The following NRDE2 variants were observed in gnomAD, a reference collection of about 807,000 sequenced individuals.
The protein encoded by NRDE2 is NRDE-2, necessary for RNA interference, domain containing, also known as nuclear exosome regulator NRDE2.
Under a neutral mutation model 124.2 loss-of-function variants are expected in NRDE2, and 76 were observed. The ratio of observed to expected loss-of-function variants is 0.61; its 90% confidence interval spans 0.51 to 0.74. The LOEUF (loss-of-function observed/expected upper bound fraction) is 0.74. NRDE2 is among the 30% of genes least tolerant of loss of function. NRDE2 has a pLI of 0.00. For synonymous variants in NRDE2, 489 were observed against 528.1 expected (o/e 0.93, Z 1.01); for missense variants, 1,314 against 1,417.3 (o/e 0.93, Z 1.17).
In NRDE2 at chr14:90,318,502, G is replaced by C. The variant is rs375856711; in HGVS notation, c.65-389C>G. Among the ~76,000 whole-genome samples the C allele has an allele frequency of 8.5e-5, 13 of 152,260 alleles. No homozygotes were observed. The East Asian group carries it at 2.5e-3, about 29-fold the overall frequency. The stretch of plus-strand genomic sequence containing the variant: ...AATTTGATTCAGACAATTCCTAAAA[G>C]TTAAAAGATCAAATCGGCTGGGTAT... On this transcript the variant is annotated intron_variant, in intron 1 of 13. Transcript: ENST00000354366.
intron 1 of NRDE2, among the ~76,000 whole-genome samples, chr14:90,326,282 CAGG>C (rs1385198438): frequency 6.6e-6 from 1 of 151,830 alleles, no homozygotes; most frequent in Non-Finnish European, 1.5e-5. Context: ...ATCATGAGGT[CAGG>C]AGATCGAGAC....
In NRDE2 at chr14:90,269,308, T is replaced by G. The variant is rs557006468; in HGVS notation, c.*9028A>C. On this transcript the variant is annotated 3_prime_UTR_variant, in exon 14 of 14. Transcript: ENST00000354366. ...GTTGAAACAGGAATGTTTGTTAAGGTGTTTTGTCACAATGAGGTCTTTGCT... is the reference window on the plus strand; with the variant it reads ...GTTGAAACAGGAATGTTTGTTAAGGGGTTTTGTCACAATGAGGTCTTTGCT... 11 of 1,132,052 alleles carry G rather than the reference T, an allele frequency of 9.7e-6. No individual in the cohort carries two copies. Among genetic ancestry groups the G allele is most frequent in the Non-Finnish European group, 1.4e-5 (11 of 800,270 alleles). The allele number at this position is 1,132,052 out of a possible 1,614,324, so 70.1% of individuals were successfully genotyped here. A position where few individuals can be genotyped will look rare whatever the true frequency, so the allele number is the denominator to read the frequency against.
Position 90,272,524 on chromosome 14 carries a change from A to T in NRDE2, c.*5812T>A, listed in dbSNP as rs1891696577. 1 of 660,212 alleles carries T rather than the reference A, an allele frequency of 1.5e-6. No individual in the cohort carries two copies. The highest frequency in any genetic ancestry group is 2.9e-5 in the East Asian group (1 of 35,050). The allele number at this position is 660,212 out of a possible 1,614,324, so 40.9% of individuals were successfully genotyped here. On this transcript the variant is annotated 3_prime_UTR_variant, in exon 14 of 14. Transcript: ENST00000354366. The surrounding 1 kb of genome is among the most constrained non-coding windows in gnomAD (Gnocchi z 4.5). ...TCCCACTGATTTTTATTAGCAAAAC[A>T]TCCTGTGTCTTTTGGAGTACGATGT...
intron 3 of NRDE2, among the ~76,000 whole-genome samples, chr14:90,314,523 C>A (rs752245731): frequency 2.6e-5 from 4 of 152,126 alleles, no homozygotes; most frequent in African/African-American, 7.2e-5. Flanking sequence ...TAAGCATAGG[C>A]TGAAATTAAC....
At chr14:90,295,417 T>A (rs1884109253) in intron 8 of NRDE2, among the ~76,000 whole-genome samples, 1 of 152,138 alleles carries the variant, frequency 6.6e-6, no homozygotes, top group African/African-American at 2.4e-5. Flanking sequence ...CTCTTCTGAG[T>A]TTCTCAAAGA....
chr14:90,268,203 TATC>T lies in NRDE2; in HGVS notation c.*10130_*10132del, dbSNP rs769043945. The T allele has an allele frequency of 1.3e-6, 2 of 1,543,446 alleles. No homozygotes were observed. Among genetic ancestry groups the T allele is most frequent in the Non-Finnish European group, 1.7e-6 (2 of 1,150,852 alleles). Reference sequence around the variant, plus strand: ...GCACTTAAGGTGTCTTTTTTTTTTTTATCTTTTTCATCCAAAATAGGTAAAACC... The same window carrying T: ...GCACTTAAGGTGTCTTTTTTTTTTTTTTTTTCATCCAAAATAGGTAAAACC... On this transcript the variant is annotated 3_prime_UTR_variant, in exon 14 of 14. Transcript: ENST00000354366.
chr14:90,326,532 T>C (rs1595080357), intron 1 of NRDE2, among the ~76,000 whole-genome samples: 1 of 138,392 alleles, frequency 7.2e-6, no homozygotes. Flanking sequence ...AGAGGGAAAA[T>C]GTAGTTGCTC....
intron 1 of NRDE2, among the ~76,000 whole-genome samples, chr14:90,326,695 CA>C (rs1885454390): frequency 6.6e-6 from 1 of 152,008 alleles, no homozygotes; most frequent in South Asian, 2.1e-4. Context: ...TTAGGCTAAG[CA>C]TTTTACATCA....
In NRDE2 at chr14:90,273,228, TTAATAC is replaced by T. The variant is rs1891714811; in HGVS notation, c.*5102_*5107del. On this transcript the variant is annotated 3_prime_UTR_variant, in exon 14 of 14. Transcript: ENST00000354366. ...ATGAGGAGTGTGTATTAGTTTTCTG[TTAATAC>T]TATAACAAGTTACCACAGGCTTTGT... The T allele has an allele frequency of 6.8e-6, 1 of 147,076 alleles. No individual in the cohort carries two copies. Among genetic ancestry groups the T allele is most frequent in the South Asian group, 2.1e-4 (1 of 4,766 alleles). The allele number at this position is 147,076 out of a possible 1,614,324, so 9.1% of individuals were successfully genotyped here. A position where few individuals can be genotyped will look rare whatever the true frequency, so the allele number is the denominator to read the frequency against.
chr14:90,318,749 G>T (rs1885140767), intron 1 of NRDE2, among the ~76,000 whole-genome samples: 1 of 152,006 alleles, frequency 6.6e-6, no homozygotes, highest in South Asian at 2.1e-4. Flanking sequence ...CAGTGAGCCG[G>T]TATCACGCCA....
Position 90,298,335 on chromosome 14 carries a change from C to T in NRDE2, c.1591G>A (p.Gly531Arg). 1 of 1,613,766 alleles carries T rather than the reference C, an allele frequency of 6.2e-7. No homozygotes were observed. The highest frequency in any genetic ancestry group is 1.6e-4 in the Middle Eastern group (1 of 6,062). ...TTCCAGCCTCGGGCTCCCTTCTCCC[C>T]AGCCCGGGGCTCTCCACTGTCCCAA... is the stretch of plus-strand genomic sequence containing the variant. ...PFWDSGEPRA[G>R]EKGARGWKAW... Residue 531 changes from glycine to arginine, a missense_variant, in exon 8 of 14, where the codon GGG (glycine) becomes AGG (arginine). Transcript: ENST00000354366.
chr14:90,315,729 G>T (rs549155623), intron 3 of NRDE2, among the ~76,000 whole-genome samples: 115 of 152,212 alleles, frequency 7.6e-4, no homozygotes, highest in Admixed American at 1.8e-3. Flanking sequence ...GCTGAGGCAG[G>T]TGGATCACCT....
In NRDE2 at chr14:90,304,375, T is replaced by TGA; in HGVS notation, c.564_565insTC (p.Arg189SerfsTer44). On this transcript the variant is annotated frameshift_variant, in exon 5 of 14. Coordinates refer to ENST00000354366, the MANE Select transcript of NRDE2 (RefSeq NM_017970.4). LOFTEE classifies it high-confidence loss of function. The stretch of plus-strand genomic sequence containing the variant: ...ATGCCAAGGCAGGAGTCTCCTTTCC[T>TGA]CTTGTATCTGATATTAGAAAAAGAA... 1 of 1,594,928 alleles carries TGA rather than the reference T, an allele frequency of 6.3e-7. No homozygotes were observed. The highest frequency in any genetic ancestry group is 8.5e-7 in the Non-Finnish European group (1 of 1,171,978).
chr14:90,292,661 C>G, intron 9 of NRDE2, 36 bp downstream of exon 9: 3 of 1,597,986 alleles, frequency 1.9e-6, no homozygotes, highest in Non-Finnish European at 2.6e-6. Context: ...CAGGGACCCC[C>G]TGGACAGCTT....
intron 1 of NRDE2, among the ~76,000 whole-genome samples, chr14:90,328,169 T>TGGTGGCGCATGCCTGTA (rs1457852188): frequency 2.7e-4 from 39 of 142,660 alleles, no homozygotes; most frequent in African/African-American, 9.6e-4. Flanking sequence ...TAGCCAGGAG[T>TGGTGGCGCATGCCTGTA]GGTGGCGCAT....
chr14:90,275,365 A>C lies in NRDE2; in HGVS notation c.*2971T>G, dbSNP rs1290627674. ...AACTGACTCACACGGTTCAGGAAAC[A>C]AAATTCTTTGTAACGCACTTGCATC... On this transcript the variant is annotated 3_prime_UTR_variant, in exon 14 of 14. Transcript: ENST00000354366. The C allele has an allele frequency of 2.0e-5, 3 of 152,178 alleles. No individual in the cohort carries two copies. In the East Asian group the frequency reaches 5.8e-4, roughly 29 times the overall value. 9.4% of individuals were successfully genotyped at this position (152,178 alleles called of 1,614,324 possible). A position where few individuals can be genotyped will look rare whatever the true frequency, so the allele number is the denominator to read the frequency against.
intron 12 of NRDE2, among the ~76,000 whole-genome samples, chr14:90,283,264 G>C (rs1451309519): frequency 2.0e-5 from 3 of 152,188 alleles, no homozygotes; most frequent in Non-Finnish European, 2.9e-5. Flanking sequence ...TCCAAAAAGA[G>C]AGAAATTCTC....
chr14:90,278,148 CT>C lies in NRDE2; in HGVS notation c.*187del. ...ATTCACATATATAATATGTAAATAA[CT>C]TTTGTGTCATTTACACACCCAAAAA... On this transcript the variant is annotated 3_prime_UTR_variant, in exon 14 of 14. Coordinates refer to ENST00000354366, the MANE Select transcript of NRDE2 (RefSeq NM_017970.4). The C allele has an allele frequency of 1.7e-6, 1 of 600,426 alleles. No individual in the cohort carries two copies. The highest frequency in any genetic ancestry group is 2.9e-6 in the Non-Finnish European group (1 of 343,538). The allele number at this position is 600,426 out of a possible 1,614,324, so 37.2% of individuals were successfully genotyped here.
In NRDE2 at chr14:90,273,000, AAGCCCTTCTG is replaced by A. The variant is rs1161303824; in HGVS notation, c.*5326_*5335del. On this transcript the variant is annotated 3_prime_UTR_variant, in exon 14 of 14. Transcript: ENST00000354366. This position sits in a 1 kb window ranked among gnomAD's most constrained non-coding sequence, Gnocchi z 4.5. ...CTGAGGATTCCTAGAGATATCTTGA[AAGCCCTTCTG>A]AGCCCTTGGGCTCAGAAATCTCATC... 2 of 152,196 alleles carry A rather than the reference AAGCCCTTCTG, an allele frequency of 1.3e-5. No homozygotes were observed. Among genetic ancestry groups the A allele is most frequent in the Non-Finnish European group, 2.9e-5 (2 of 68,048 alleles). 9.4% of individuals were successfully genotyped at this position (152,196 alleles called of 1,614,324 possible).
Sources: allele counts gnomAD v4.1 joint callset (sites outside exome capture counted in the v4.1 genomes callset), GRCh38; gene constraint gnomAD v4.1.1; non-coding constraint Gnocchi (gnomAD v3.1); transcripts MANE v1.5; gene names NCBI Gene and HGNC (gene_info 2026-07-23, HGNC 2026-07-21).